SLCO3A1: variants seen among roughly 807,000 people sequenced by gnomAD.
The protein encoded by SLCO3A1 is solute carrier organic anion transporter family member 3A1.
In SLCO3A1, 27 loss-of-function variants were observed where a neutral mutation model predicts 63.1. The ratio of observed to expected loss-of-function variants is 0.43; its 90% CI spans 0.32 to 0.59. The LOEUF is 0.59. SLCO3A1 is among the 20% of genes least tolerant of loss of function. SLCO3A1 has a pLI of 0.09. For synonymous variants in SLCO3A1, 473 were observed against 409.9 expected (o/e 1.15, Z -1.86); for missense variants, 773 against 945.8 (o/e 0.82, Z 2.40).
intron 4 of SLCO3A1, among the ~76,000 whole-genome samples, chr15:92,119,203 C>T (rs2047831349): frequency 6.6e-6 from 1 of 152,256 alleles, no homozygotes; most frequent in Admixed American, 6.5e-5. Context: ...ATTCTGATTG[C>T]TGGGAATATC....
At chr15:92,145,827 C>G (rs143383403) in intron 7 of SLCO3A1, among the ~76,000 whole-genome samples, 52 of 152,298 alleles carry the variant, frequency 3.4e-4, no homozygotes, top group Non-Finnish European at 6.0e-4. Context: ...ACGTCTGCCC[C>G]CATTCCTTCC....
chr15:91,879,604 A>C (rs1362280087), intron 1 of SLCO3A1, among the ~76,000 whole-genome samples: 7 of 152,222 alleles, frequency 4.6e-5, no homozygotes, highest in African/African-American at 1.7e-4. Flanking sequence ...AAATACGAAG[A>C]AGAGAAAATG....
At chr15:92,048,806 G>A (rs1013671474) in intron 2 of SLCO3A1, among the ~76,000 whole-genome samples, 5 of 152,198 alleles carry the variant, frequency 3.3e-5, no homozygotes, top group Non-Finnish European at 7.3e-5. Flanking sequence ...GCTGAGGTAG[G>A]AGAATTGCTT....
intron 2 of SLCO3A1, among the ~76,000 whole-genome samples, chr15:91,970,056 T>C (rs1567043970): frequency 6.6e-6 from 1 of 152,212 alleles, no homozygotes. Context: ...AGGCTATTTC[T>C]GCTCACCCAG....
intron 2 of SLCO3A1, among the ~76,000 whole-genome samples, chr15:92,038,825 G>T (rs1033092964): frequency 1.3e-5 from 2 of 152,078 alleles, no homozygotes; most frequent in African/African-American, 4.8e-5. Context: ...AACAAAGCTG[G>T]ATAAATCATA....
intron 2 of SLCO3A1, among the ~76,000 whole-genome samples, chr15:91,977,136 A>G (rs1384854047): frequency 6.6e-6 from 1 of 152,188 alleles, no homozygotes; most frequent in Non-Finnish European, 1.5e-5. Context: ...GCTACATGTC[A>G]TGAATGATTG....
intron 2 of SLCO3A1, among the ~76,000 whole-genome samples, chr15:92,062,191 A>T (rs1597273701): frequency 6.6e-6 from 1 of 152,198 alleles, no homozygotes; most frequent in African/African-American, 2.4e-5. Flanking sequence ...CACACACACT[A>T]TTCTGATTCT....
chr15:92,135,357 C>G (rs143420309), intron 7 of SLCO3A1, among the ~76,000 whole-genome samples: 1 of 152,300 alleles, frequency 6.6e-6, no homozygotes, highest in African/African-American at 2.4e-5. Context: ...TGCTCAGGCT[C>G]ACGCGCCACA....
At chr15:92,015,526 G>A (rs1447285921) in intron 2 of SLCO3A1, among the ~76,000 whole-genome samples, 1 of 152,046 alleles carries the variant, frequency 6.6e-6, no homozygotes, top group Non-Finnish European at 1.5e-5. Flanking sequence ...TCCTACCCAG[G>A]TCTCTCCCTT....
intron 2 of SLCO3A1, among the ~76,000 whole-genome samples, chr15:91,945,271 G>A (rs1449051958): frequency 4.6e-5 from 7 of 151,848 alleles, no homozygotes; most frequent in Non-Finnish European, 8.8e-5. Context: ...GAACCTGGGA[G>A]GCTGAGGTTG....
chr15:91,936,637 A>G (rs1406656677), intron 2 of SLCO3A1, among the ~76,000 whole-genome samples: 1 of 152,224 alleles, frequency 6.6e-6, no homozygotes, highest in Non-Finnish European at 1.5e-5. Flanking sequence ...AGGAATGTAC[A>G]GACTTCAGTG....
At chr15:92,034,722 A>G in intron 2 of SLCO3A1, among the ~76,000 whole-genome samples, 1 of 151,694 alleles carries the variant, frequency 6.6e-6, no homozygotes, top group East Asian at 1.9e-4. Context: ...CATTGGATTC[A>G]CCCACTTTCA....
At chr15:91,896,804 C>A (rs1898016074) in intron 1 of SLCO3A1, among the ~76,000 whole-genome samples, 1 of 152,168 alleles carries the variant, frequency 6.6e-6, no homozygotes, top group South Asian at 2.1e-4. Flanking sequence ...GAGGGACACT[C>A]TGATTAGTGT....
chr15:92,080,360 A>G (rs953935161), intron 2 of SLCO3A1, among the ~76,000 whole-genome samples: 5 of 150,358 alleles, frequency 3.3e-5, no homozygotes, highest in African/African-American at 1.2e-4. Context: ...TCCCGAGCCT[A>G]CAATTATTAT....
intron 2 of SLCO3A1, among the ~76,000 whole-genome samples, chr15:91,922,831 C>G (rs1473775793): frequency 6.6e-6 from 1 of 152,186 alleles, no homozygotes; most frequent in Non-Finnish European, 1.5e-5. Context: ...ATTCCATTCC[C>G]TCTCCCCAGC....
At chr15:91,914,025 C>T (rs941581984) in intron 1 of SLCO3A1, among the ~76,000 whole-genome samples, 4 of 152,168 alleles carry the variant, frequency 2.6e-5, no homozygotes, top group Admixed American at 6.5e-5. Flanking sequence ...TGCTGTTCTC[C>T]GGTGTTCACA....
At chr15:92,102,984 T>C (rs2047624573) in intron 3 of SLCO3A1, among the ~76,000 whole-genome samples, 1 of 152,030 alleles carries the variant, frequency 6.6e-6, no homozygotes, top group Non-Finnish European at 1.5e-5. Context: ...CCTTGTAGAG[T>C]TATGGGGAAG....
At chr15:92,044,689 G>A (rs1046241853) in intron 2 of SLCO3A1, among the ~76,000 whole-genome samples, 1 of 152,094 alleles carries the variant, frequency 6.6e-6, no homozygotes, top group Admixed American at 6.5e-5. Context: ...TTCTTAAGTC[G>A]TCACCTGCCT....
At chr15:92,156,158 G>A (rs2048369089) in intron 9 of SLCO3A1, among the ~76,000 whole-genome samples, 1 of 152,200 alleles carries the variant, frequency 6.6e-6, no homozygotes, top group African/African-American at 2.4e-5. Flanking sequence ...TTATAGGCAA[G>A]TGGAAAAATG....
Sources: allele counts gnomAD v4.1 joint callset (sites outside exome capture counted in the v4.1 genomes callset), GRCh38; gene constraint gnomAD v4.1.1; transcripts MANE v1.5; gene names NCBI Gene and HGNC (gene_info 2026-07-23, HGNC 2026-07-21).